The following DKC1 variants were observed in gnomAD, a reference collection of about 807,000 sequenced individuals.
The protein encoded by DKC1 is H/ACA ribonucleoprotein complex subunit DKC1.
Under a neutral mutation model 46.7 loss-of-function variants are expected in DKC1, and 4 were observed. The ratio of observed to expected loss-of-function variants is 0.09; its 90% CI spans 0.04 to 0.20. The LOEUF (loss-of-function observed/expected upper bound fraction) is 0.20, where lower values mean the gene tolerates loss of function less well. DKC1 is among the 10% of genes least tolerant of loss of function. The probability of loss-of-function intolerance (pLI) is 1.00; values close to 1 mark genes in which losing one functional copy is unlikely to be tolerated. For missense variants in DKC1, 171 were observed against 404.2 expected, an observed-to-expected ratio of 0.42 and a Z score of 4.95; for synonymous variants, 141 against 142.4, an observed-to-expected ratio of 0.99 and a Z score of 0.07.
intron 9 of DKC1, 67 bp downstream of exon 9, chrX:154,769,377 ATTG>A (rs2071793235): frequency 1.8e-6 from 2 of 1,104,427 alleles, no homozygotes; most frequent in African/African-American, 3.6e-5. Context: ...TGCTCTTTTT[ATTG>A]TTTTCCTTGG....
At chrX:154,764,996 G>T in intron 2 of DKC1, 30 bp downstream of exon 2, 2 of 1,109,784 alleles carry the variant, frequency 1.8e-6, no homozygotes, top group South Asian at 3.7e-5. Context: ...ACTTCACTTT[G>T]ACTAAAAAGA....
chrX:154,763,820 A>G (rs782315430), intron 1 of DKC1, among the ~76,000 whole-genome samples: 1 of 111,713 alleles, frequency 9.0e-6, no homozygotes, highest in East Asian at 2.8e-4. Flanking sequence ...GGCAGTTGGG[A>G]CACAGCGTCG....
intron 12 of DKC1, 183 bp from the exon 13 acceptor site, chrX:154,775,012 C>T (rs782199943): frequency 1.7e-6 from 1 of 590,375 alleles, no homozygotes; most frequent in Admixed American, 2.2e-5. Flanking sequence ...AGACAGTTAT[C>T]CCTTTCTAGT....
chrX:154,766,563 TTGG>T (rs1557264190), intron 5 of DKC1, 163 bp downstream of exon 5: 11 of 515,694 alleles, frequency 2.1e-5, no homozygotes, highest in African/African-American at 4.8e-5. Context: ...CTGCCAGATC[TTGG>T]TGGTCCGCGC....
At chrX:154,771,552 C>T (rs782696757) in intron 10 of DKC1, among the ~76,000 whole-genome samples, 8 of 107,287 alleles carry the variant, frequency 7.5e-5, no homozygotes, top group Non-Finnish European at 1.2e-4. Flanking sequence ...CCCTCCCAGT[C>T]TCTGGTAACC....
intron 5 of DKC1, among the ~76,000 whole-genome samples, chrX:154,766,778 C>G (rs889722720): frequency 8.9e-6 from 1 of 111,763 alleles, no homozygotes; most frequent in African/African-American, 3.3e-5. Flanking sequence ...TGAGTACTCC[C>G]AACTGTCCCT....
Position 154,769,272 on chromosome X carries a change from T to C in DKC1, c.877T>C (p.Leu293=), listed in dbSNP as rs1603429508. 1.7e-6 allele frequency: 2 copies of C among 1,211,881 alleles called. No individual in the cohort carries two copies. Among genetic ancestry groups the C allele is most frequent in the Middle Eastern group, 2.3e-4 (1 of 4,354 alleles). ...AGTTGTTTACCCTTTGGAAAAGCTG[T>C]TGACATCTCATAAACGGCTGGTTAT... The part of the protein sequence containing the change: ...RRVVYPLEKL[L]TSHKRLVMKD... Residue 293 remains leucine (L), a synonymous_variant, in exon 9 of 15, where the codon TTG becomes CTG. Transcript: ENST00000369550.
At chrX:154,771,357 A>AT (rs1258954712) in intron 10 of DKC1, among the ~76,000 whole-genome samples, 1 of 108,039 alleles carries the variant, frequency 9.3e-6, no homozygotes, top group Admixed American at 9.9e-5. Flanking sequence ...CACCTGGCTA[A>AT]TTTTTTGTAT....
chrX:154,771,634 G>A (rs1207858558), intron 10 of DKC1, among the ~76,000 whole-genome samples: 2 of 111,050 alleles, frequency 1.8e-5, no homozygotes, highest in Non-Finnish European at 3.8e-5. Context: ...GTGAGAACAT[G>A]CAATGTTTGT....
intron 9 of DKC1, 32 bp from the exon 10 acceptor site, chrX:154,770,727 T>C (rs999672013): frequency 1.7e-6 from 2 of 1,210,110 alleles, no homozygotes; most frequent in Non-Finnish European, 2.2e-6. Context: ...GGGCAGCAGC[T>C]GGGCCCCTTA....
intron 3 of DKC1, 122 bp from the exon 4 acceptor site, chrX:154,765,785 T>C: frequency 3.3e-6 from 2 of 600,271 alleles, no homozygotes; most frequent in Admixed American, 4.7e-5. Flanking sequence ...AGTTCTCAGT[T>C]TTTGTACTTA....
At chrX:154,774,777 C>T (rs913280831) in intron 12 of DKC1, 72 bp downstream of exon 12, 1 of 915,548 alleles carries the variant, frequency 1.1e-6, no homozygotes, top group Non-Finnish European at 1.6e-6. Flanking sequence ...AGGAGTATGT[C>T]AACAACAGGT....
At chrX:154,774,937 C>T in intron 12 of DKC1, 3 of 572,336 alleles carry the variant, frequency 5.2e-6, no homozygotes, top group Non-Finnish European at 9.6e-6. Flanking sequence ...ACCACAGGAA[C>T]CAGCTCTTCA....
At chrX:154,770,467 T>TTAAAAAAAA (rs782272867) in intron 9 of DKC1, among the ~76,000 whole-genome samples, 10 of 67,761 alleles carry the variant, frequency 1.5e-4, no homozygotes, top group African/African-American at 5.2e-4. Context: ...GCCTGAAAAT[T>TTAAAAAAAA]AAAAAAAAAA....
In DKC1 at chrX:154,776,939, TGA is replaced by T; in HGVS notation, c.*78_*79del. 5 of 929,403 alleles carry T rather than the reference TGA, an allele frequency of 5.4e-6. No individual in the cohort carries two copies. The highest frequency in any genetic ancestry group is 3.5e-5 in the East Asian group (1 of 28,873). 76.6% of individuals were successfully genotyped at this position (929,403 alleles called of 1,213,427 possible). A position where few individuals can be genotyped will look rare whatever the true frequency, so the allele number is the denominator to read the frequency against. On this transcript the variant is annotated 3_prime_UTR_variant, in exon 15 of 15. Transcript: ENST00000369550. ...AACATGTTATAGATCCTTTTGTTGC[TGA>T]GAGAGTGGAACATAGGTCCTAGACA...
At chrX:154,766,192 T>G (rs782793250) in intron 4 of DKC1, 24 bp from the exon 5 acceptor site, 4 of 1,191,520 alleles carry the variant, frequency 3.4e-6, no homozygotes, top group Admixed American at 2.2e-5. Context: ...GGTGATACAT[T>G]AATTTTTTTT....
Position 154,765,998 on chromosome X carries a change from G to GGTAA in DKC1, c.263+3_263+6dup. 8.4e-7 allele frequency: 1 copy of GGTAA among 1,184,855 alleles called. No homozygotes were observed. Among genetic ancestry groups the GGTAA allele is most frequent in the Admixed American group, 2.2e-5 (1 of 46,039 alleles). ...AAGAGAGAGATTGGGGACTATATCA[G>GGTAA]GTAAGTGTTGGGAGGAGGCACTGTG... is the stretch of plus-strand genomic sequence containing the variant. On this transcript the variant is annotated stop_gained and frameshift_variant and splice_region_variant. Coordinates refer to ENST00000369550, the MANE Select transcript of DKC1 (RefSeq NM_001363.5). LOFTEE classifies it high-confidence loss of function.
rs782550613 is a variant in DKC1 at position 154,771,048 on chromosome X, A to G, written c.1036+169A>G. 4.5e-5 allele frequency among the ~76,000 whole-genome samples: 5 copies of G among 111,472 alleles called. No homozygotes were observed. The South Asian group carries it at 1.9e-3, about 42-fold the overall frequency. Reference sequence around the variant, plus strand: ...GCATTTATCCTTTGTGTTACAAACAATCCTATTTTACTGTTAGTTATTTAT... The same window carrying G: ...GCATTTATCCTTTGTGTTACAAACAGTCCTATTTTACTGTTAGTTATTTAT... On this transcript the variant is annotated intron_variant, in intron 10 of 14. Coordinates refer to ENST00000369550, the MANE Select transcript of DKC1 (RefSeq NM_001363.5).
chrX:154,770,089 C>G (rs2071801798), intron 9 of DKC1, among the ~76,000 whole-genome samples: 1 of 111,718 alleles, frequency 9.0e-6, no homozygotes, highest in Admixed American at 9.5e-5. Context: ...CCTGTTATTG[C>G]CTGGATCTCC....
Sources: gnomAD v4.1 joint callset for allele counts (sites outside exome capture counted in the v4.1 genomes callset) on GRCh38, gnomAD v4.1.1 for gene constraint, MANE v1.5 for transcripts, NCBI Gene and HGNC (gene_info 2026-07-23, HGNC 2026-07-21) for gene names.